The following HS3ST5 variants were observed in gnomAD, a reference collection of about 807,000 sequenced individuals.
HS3ST5 encodes heparan sulfate-glucosamine 3-sulfotransferase 5.
A neutral mutation model predicts 25.4 loss-of-function variants in HS3ST5; 10 were observed. The ratio of observed to expected loss-of-function variants is 0.39; its 90% CI spans 0.24 to 0.67. The LOEUF is 0.67. HS3ST5 is among the 30% of genes least tolerant of loss of function. The pLI is 0.44. For synonymous variants in HS3ST5, 170 were observed against 162.4 expected (o/e 1.05, Z -0.36); for missense variants, 324 against 420.7 (o/e 0.77, Z 2.01).
chr6:114,104,600 A>G (rs1021564416), intron 3 of HS3ST5, among the ~76,000 whole-genome samples: 9 of 152,246 alleles, frequency 5.9e-5, no homozygotes, highest in African/African-American at 2.2e-4. Flanking sequence ...GTTCAGCAAC[A>G]TGTCGGGCAT....
At chr6:114,328,569 C>T (rs1440231503) in intron 1 of HS3ST5, among the ~76,000 whole-genome samples, 2 of 152,338 alleles carry the variant, frequency 1.3e-5, no homozygotes, top group Middle Eastern at 3.4e-3. Context: ...GACACTCCCA[C>T]GTAGCACAAG....
chr6:114,151,330 T>C (rs941765302), intron 3 of HS3ST5, among the ~76,000 whole-genome samples: 6 of 152,246 alleles, frequency 3.9e-5, no homozygotes, highest in Non-Finnish European at 8.8e-5. Context: ...TGGAACAGAA[T>C]TCAGCAGGTG....
intron 3 of HS3ST5, among the ~76,000 whole-genome samples, chr6:114,124,976 T>C (rs2114888283): frequency 6.6e-6 from 1 of 152,320 alleles, no homozygotes; most frequent in Admixed American, 6.5e-5. Context: ...CTACTTTTGC[T>C]GGAAATCTCT....
intron 2 of HS3ST5, among the ~76,000 whole-genome samples, chr6:114,177,393 A>AT (rs1779773820): frequency 6.6e-6 from 1 of 152,172 alleles, no homozygotes; most frequent in Admixed American, 6.5e-5. Flanking sequence ...AAGTCTTGAC[A>AT]TTTTTTAAGT....
In HS3ST5 at chr6:114,057,107, T is replaced by G. The variant is rs532080527; in HGVS notation, c.*150A>C. 2.3e-4 allele frequency: 131 copies of G among 563,686 alleles called. 2 individuals carry two copies. In the South Asian group the frequency reaches 4.3e-3, roughly 19 times the overall value. The allele number at this position is 563,686 out of a possible 1,614,324, so 34.9% of individuals were successfully genotyped here. A position where few individuals can be genotyped will look rare whatever the true frequency, so the allele number is the denominator to read the frequency against. ...CGTAAATTTTCAGTAGAAAAAGAAC[T>G]GATCTTATATTTGGTCACACACTGC... On this transcript the variant is annotated 3_prime_UTR_variant, in exon 5 of 5. Coordinates refer to ENST00000312719, the MANE Select transcript of HS3ST5 (RefSeq NM_153612.4).
At chr6:114,180,230 T>A (rs541853654) in intron 2 of HS3ST5, among the ~76,000 whole-genome samples, 55 of 152,134 alleles carry the variant, frequency 3.6e-4, no homozygotes, top group Non-Finnish European at 6.6e-4. Flanking sequence ...ACAATACTGC[T>A]CTCTAACTCT....
chr6:114,316,327 G>A (rs1219404274), intron 1 of HS3ST5, among the ~76,000 whole-genome samples: 1 of 152,044 alleles, frequency 6.6e-6, no homozygotes, highest in African/African-American at 2.4e-5. Context: ...ATCACTACCG[G>A]TTGCAATAAA....
intron 3 of HS3ST5, among the ~76,000 whole-genome samples, chr6:114,120,668 A>G (rs1472253044): frequency 6.1e-5 from 9 of 148,354 alleles, no homozygotes; most frequent in Non-Finnish European, 1.0e-4. Flanking sequence ...AGTAAGTCAC[A>G]TGGAAGATAT....
intron 1 of HS3ST5, among the ~76,000 whole-genome samples, chr6:114,240,280 C>T (rs561684792): frequency 3.9e-5 from 6 of 152,318 alleles, no homozygotes; most frequent in East Asian, 1.9e-4. Context: ...CTCCCTATTA[C>T]AGCTGCTTTT....
At chr6:114,332,751 G>A (rs955903180) in intron 1 of HS3ST5, among the ~76,000 whole-genome samples, 10 of 152,060 alleles carry the variant, frequency 6.6e-5, no homozygotes, top group Admixed American at 6.6e-4. Flanking sequence ...TTGGGTGGAG[G>A]TGGGTGAGCT....
rs541044110 is a variant in HS3ST5, at chr6:114,105,233, C to T, written c.-32-42356G>A. Among the ~76,000 whole-genome samples the T allele has an allele frequency of 6.1e-4, 93 of 152,190 alleles. 2 individuals carry two copies. The highest frequency in any genetic ancestry group is 6.8e-3 in the Middle Eastern group (2 of 294). On this transcript the variant is annotated intron_variant, in intron 3 of 4. Coordinates refer to ENST00000312719, the MANE Select transcript of HS3ST5 (RefSeq NM_153612.4). The stretch of plus-strand genomic sequence containing the variant: ...GAGCGCTGAAAAGTGATATATAATC[C>T]CTCCAAATCCTCCTAAATTCTAAGC...
intron 1 of HS3ST5, among the ~76,000 whole-genome samples, chr6:114,290,069 A>G (rs1230905356): frequency 6.6e-6 from 1 of 152,118 alleles, no homozygotes; most frequent in African/African-American, 2.4e-5. Flanking sequence ...ACAATTATAA[A>G]TGGTATGTTT....
chr6:114,257,872 G>T (rs1236406486), intron 1 of HS3ST5, among the ~76,000 whole-genome samples: 1 of 152,086 alleles, frequency 6.6e-6, no homozygotes, highest in East Asian at 1.9e-4. Context: ...GAATAGCTGA[G>T]ACTACAGGCA....
intron 1 of HS3ST5, among the ~76,000 whole-genome samples, chr6:114,252,608 TG>T (rs1484001158): frequency 1.3e-5 from 2 of 151,956 alleles, no homozygotes; most frequent in African/African-American, 4.8e-5. Flanking sequence ...GAACAGAATG[TG>T]TTTAAAAATG....
chr6:114,296,319 C>T (rs768435353), intron 1 of HS3ST5, among the ~76,000 whole-genome samples: 6 of 151,864 alleles, frequency 4.0e-5, no homozygotes, highest in African/African-American at 1.2e-4. Context: ...AGGATTATAC[C>T]CATTTTTATA....
intron 3 of HS3ST5, among the ~76,000 whole-genome samples, chr6:114,087,753 G>C (rs752616177): frequency 1.3e-5 from 2 of 152,048 alleles, no homozygotes; most frequent in Non-Finnish European, 2.9e-5. Flanking sequence ...CCTGTGAGTC[G>C]ACCACCATGC....
At chr6:114,086,024 T>G (rs1218647326) in intron 3 of HS3ST5, among the ~76,000 whole-genome samples, 1 of 150,920 alleles carries the variant, frequency 6.6e-6, no homozygotes, top group Non-Finnish European at 1.5e-5. Flanking sequence ...TGTTTTTGTT[T>G]CATTTTTAGC....
At chr6:114,080,473 A>T (rs556864298) in intron 3 of HS3ST5, among the ~76,000 whole-genome samples, 4 of 152,348 alleles carry the variant, frequency 2.6e-5, no homozygotes, top group Non-Finnish European at 5.9e-5. Context: ...CTACCAAAAG[A>T]AATGTGTACT....
At chr6:114,121,760 CA>C in intron 3 of HS3ST5, among the ~76,000 whole-genome samples, 1 of 152,284 alleles carries the variant, frequency 6.6e-6, no homozygotes, top group Non-Finnish European at 1.5e-5. Flanking sequence ...TTGTTATTAT[CA>C]CATCATTCCT....
Sources: gnomAD v4.1 joint callset for allele counts (sites outside exome capture counted in the v4.1 genomes callset) on GRCh38, gnomAD v4.1.1 for gene constraint, MANE v1.5 for transcripts, NCBI Gene and HGNC (gene_info 2026-07-23, HGNC 2026-07-21) for gene names.